Variants in CASP8 observed in about 807,000 individuals in gnomAD.
CASP8 encodes the protein caspase-8.
In CASP8, 24 loss-of-function variants were observed where a neutral mutation model predicts 46.3. The observed-to-expected ratio is 0.52, with a 90% CI of 0.38 to 0.73. CASP8 has a LOEUF of 0.73. Ranked by LOEUF, CASP8 falls within the 30% of genes least tolerant of loss-of-function variation. The pLI is 0.00. For missense variants in CASP8, 460 were observed against 559.0 expected, an observed-to-expected ratio of 0.82 and a Z score of 1.79; for synonymous variants, 188 against 200.4, an observed-to-expected ratio of 0.94 and a Z score of 0.52.
chr2:201,246,439 C>A (rs1297446431), intron 2 of CASP8, among the ~76,000 whole-genome samples: 1 of 152,126 alleles, frequency 6.6e-6, no homozygotes, highest in Non-Finnish European at 1.5e-5. Context: ...AAGTCCACCC[C>A]CATCCCCACA....
At chr2:201,236,393 G>A (rs1187612775) in intron 2 of CASP8, among the ~76,000 whole-genome samples, 3 of 151,938 alleles carry the variant, frequency 2.0e-5, no homozygotes, top group African/African-American at 7.3e-5. Context: ...TTCCAGACAT[G>A]TTTCTGTTGT....
intron 1 of CASP8, among the ~76,000 whole-genome samples, chr2:201,263,934 C>T (rs1947608909): frequency 6.6e-6 from 1 of 152,184 alleles, no homozygotes; most frequent in South Asian, 2.1e-4. Flanking sequence ...GGAAATAAAG[C>T]AGCTCTCACT....
intron 2 of CASP8, among the ~76,000 whole-genome samples, chr2:201,249,515 G>A (rs556718741): frequency 9.2e-5 from 14 of 152,314 alleles, no homozygotes; most frequent in East Asian, 5.8e-4. Context: ...TGCCATCTGC[G>A]TATCTTTTTG....
At chr2:201,248,621 T>C (rs1054389711) in intron 2 of CASP8, among the ~76,000 whole-genome samples, 1 of 152,222 alleles carries the variant, frequency 6.6e-6, no homozygotes, top group African/African-American at 2.4e-5. Flanking sequence ...CGTTATCTGT[T>C]CACTGTTCTA....
intron 2 of CASP8, among the ~76,000 whole-genome samples, chr2:201,235,307 G>GT (rs1195623597): frequency 1.3e-5 from 2 of 151,988 alleles, no homozygotes; most frequent in Admixed American, 1.3e-4. Flanking sequence ...TGTGTCTGCC[G>GT]TAAGTGGTGT....
chr2:201,257,710 T>C (rs933831386), upstream of CASP8, among the ~76,000 whole-genome samples: 3 of 152,304 alleles, frequency 2.0e-5, no homozygotes, highest in African/African-American at 7.2e-5. Flanking sequence ...CTGAACAATC[T>C]ACCTACATTT....
At position 201,284,968 on chromosome 2, in the gene CASP8, G is replaced by A. The variant is rs761698212; in HGVS notation, c.955G>A (p.Asp319Asn). ...CATCTGCTGTATCCTCTCCCATGGA[G>A]ACAAGGGCATCATCTATGGCACTGA... ...CFICCILSHG[D>N]KGIIYGTDGQ... The change falls in exon 8 of 9, where the codon GAC (aspartate) becomes AAC (asparagine). Residue 319 changes from aspartate to asparagine, a missense_variant. Asp to Asn is a conservative substitution (Grantham distance 23, BLOSUM62 1). Coordinates refer to ENST00000673742, the MANE Select transcript of CASP8 (RefSeq NM_001372051.1). The A allele has an allele frequency of 6.2e-7, 1 of 1,614,130 alleles. No homozygotes were observed. The highest frequency in any genetic ancestry group is 1.1e-5 in the South Asian group (1 of 91,088).
chr2:201,251,429 T>TA (rs997039265), intron 2 of CASP8, among the ~76,000 whole-genome samples: 1 of 151,116 alleles, frequency 6.6e-6, no homozygotes, highest in African/African-American at 2.4e-5. Flanking sequence ...TCATCTCTAC[T>TA]AAAAAAAATA....
chr2:201,275,254 C>A (rs574103162), intron 6 of CASP8, among the ~76,000 whole-genome samples: 27 of 152,054 alleles, frequency 1.8e-4, no homozygotes, highest in African/African-American at 6.3e-4. Flanking sequence ...AGCAGCCGTG[C>A]CAGCCTGGAT....
At chr2:201,262,697 T>G (rs1039181042) in intron 1 of CASP8, among the ~76,000 whole-genome samples, 1 of 152,164 alleles carries the variant, frequency 6.6e-6, no homozygotes, top group African/African-American at 2.4e-5. Context: ...AAAATACAAG[T>G]ACATTGTTTA....
At chr2:201,265,744 C>A (rs1326227420) in intron 1 of CASP8, among the ~76,000 whole-genome samples, 3 of 152,146 alleles carry the variant, frequency 2.0e-5, no homozygotes, top group Admixed American at 6.5e-5. Context: ...CCATCCCAGA[C>A]ACTTTGTAGT....
chr2:201,283,292 A>G (rs1949261286), intron 7 of CASP8, among the ~76,000 whole-genome samples: 1 of 77,442 alleles, frequency 1.3e-5, no homozygotes, highest in South Asian at 7.2e-4. Context: ...TCCCTCCTGG[A>G]CGGGGCGACT....
At chr2:201,277,219 T>C in intron 7 of CASP8, 2 of 323,192 alleles carry the variant, frequency 6.2e-6, no homozygotes, top group Non-Finnish European at 1.2e-5. Flanking sequence ...AAAGACATAA[T>C]GAAAAGCAGT....
rs143783171 is a variant in CASP8, at chr2:201,277,013, T to A, written c.802+45T>A. The A allele has an allele frequency of 9.3e-6, 13 of 1,404,202 alleles. No homozygotes were observed. The East Asian group carries it at 3.0e-4, about 33-fold the overall frequency. The allele number at this position is 1,404,202 out of a possible 1,614,324, so 87.0% of individuals were successfully genotyped here. A position where few individuals can be genotyped will look rare whatever the true frequency, so the allele number is the denominator to read the frequency against. ...AGAAAAGTAAAATATTTCTTATGCC[T>A]ATTTTTTTTTAAATCAAAAGGGAGA... On this transcript the variant is annotated intron_variant, in intron 7 of 8. Transcript: ENST00000673742.
At chr2:201,240,058 GC>G (rs1404884343) in intron 2 of CASP8, among the ~76,000 whole-genome samples, 1 of 152,030 alleles carries the variant, frequency 6.6e-6, no homozygotes, top group Non-Finnish European at 1.5e-5. Context: ...ACTCAAATAG[GC>G]CCATTTTTAG....
Position 201,285,012 on chromosome 2 carries a change from C to CTA in CASP8, c.1001_1002dup (p.Glu335MetfsTer3). 2 of 1,614,236 alleles carry CTA rather than the reference C, an allele frequency of 1.2e-6. No homozygotes were observed. The highest frequency in any genetic ancestry group is 1.7e-6 in the Non-Finnish European group (2 of 1,180,036). On this transcript the variant is annotated frameshift_variant, in exon 8 of 9. Transcript: ENST00000673742. LOFTEE classifies it high-confidence loss of function. ...GCACTGATGGACAGGAGGCCCCCAT[C>CTA]TATGAGCTGACATCTCAGTTCACTG...
chr2:201,251,405 A>T (rs1418251755), intron 2 of CASP8, among the ~76,000 whole-genome samples: 1 of 151,806 alleles, frequency 6.6e-6, no homozygotes, highest in Admixed American at 6.6e-5. Context: ...CAGTCTGGCT[A>T]ACACAGTGAA....
At chr2:201,283,029 C>G in intron 7 of CASP8, among the ~76,000 whole-genome samples, 1 of 68,424 alleles carries the variant, frequency 1.5e-5, no homozygotes, top group African/African-American at 4.4e-5. Flanking sequence ...GACGGGGCGG[C>G]TGGCCGGGCA....
Position 201,285,247 on chromosome 2 carries a change from T to C in CASP8, c.1234T>C (p.Tyr412His). ...GGCCACTGTGAATAACTGTGTTTCC[T>C]ACCGAAACCCTGCAGAGGGAACCTG... ...GMATVNNCVS[Y>H]RNPAEGTWYI... Residue 412 changes from tyrosine (Y) to histidine (H), a missense_variant, in exon 8 of 9, where the codon TAC becomes CAC. Physicochemically the swap from Tyr to His is moderately conservative, Grantham distance 83. Coordinates refer to ENST00000673742, the MANE Select transcript of CASP8 (RefSeq NM_001372051.1). The C allele has an allele frequency of 1.2e-6, 2 of 1,614,198 alleles. No individual in the cohort carries two copies. Among genetic ancestry groups the C allele is most frequent in the Non-Finnish European group, 1.7e-6 (2 of 1,180,024 alleles).
Sources: allele counts gnomAD v4.1 joint callset (sites outside exome capture counted in the v4.1 genomes callset), GRCh38; gene constraint gnomAD v4.1.1; transcripts MANE v1.5; gene names NCBI Gene and HGNC (gene_info 2026-07-23, HGNC 2026-07-21).